The following ANO2 variants were observed in gnomAD, a reference collection of about 807,000 sequenced individuals.
ANO2 encodes anoctamin 2, also known as anoctamin-2.
Under a neutral mutation model 124.2 loss-of-function variants are expected in ANO2, and 101 were observed. The ratio of observed to expected loss-of-function variants is 0.81; its 90% confidence interval spans 0.69 to 0.96. The LOEUF is 0.96. Ranked by LOEUF, ANO2 falls within the 40% of genes least tolerant of loss-of-function variation. ANO2 has a pLI of 0.00. For missense variants in ANO2, 1,293 were observed against 1,274.5 expected, an observed-to-expected ratio of 1.01 and a Z score of -0.22; for synonymous variants, 486 against 482.5, an observed-to-expected ratio of 1.01 and a Z score of -0.09.
intron 3 of ANO2, among the ~76,000 whole-genome samples, chr12:5,913,053 A>G (rs1319833225): frequency 1.3e-5 from 2 of 152,164 alleles, no homozygotes; most frequent in African/African-American, 2.4e-5. Flanking sequence ...TCCCCATCCC[A>G]TAGAAATACA....
At position 5,799,384 on chromosome 12, in the gene ANO2, T is replaced by C. The variant is rs11063871; in HGVS notation, c.1055+123A>G. On this transcript the variant is annotated intron_variant, in intron 10 of 24. Coordinates refer to ENST00000682330, the MANE Select transcript of ANO2 (RefSeq NM_001364791.2). ...CCATGAGACACAGAGGAGTGGATCA[T>C]AGAAGCTAGAAAAGAAGATCCCTCC... 1,207 of 846,178 alleles carry C rather than the reference T, an allele frequency of 1.4e-3. 17 individuals are homozygous for C. The East Asian group carries it at 0.031, about 22-fold the overall frequency. The allele number at this position is 846,178 out of a possible 1,614,324, so 52.4% of individuals were successfully genotyped here.
At chr12:5,576,085 C>T (rs968278852) in intron 22 of ANO2, 70 bp from the exon 23 acceptor site, 17 of 1,433,016 alleles carry the variant, frequency 1.2e-5, no homozygotes, top group African/African-American at 1.4e-5. Flanking sequence ...CTCTTAGGCT[C>T]CCCATCAGAA....
chr12:5,785,374 A>G (rs564501256), intron 10 of ANO2, among the ~76,000 whole-genome samples: 1 of 152,188 alleles, frequency 6.6e-6, no homozygotes, highest in South Asian at 2.1e-4. Flanking sequence ...GAGGGGTCAC[A>G]GGGTTGGGCA....
intron 16 of ANO2, among the ~76,000 whole-genome samples, chr12:5,634,870 C>T (rs972902751): frequency 5.9e-5 from 9 of 151,866 alleles, no homozygotes; most frequent in Non-Finnish European, 8.8e-5. Flanking sequence ...ACAGACCCCA[C>T]GGTTTACCCT....
chr12:5,723,629 G>A (rs936040392), intron 14 of ANO2, among the ~76,000 whole-genome samples: 16 of 151,282 alleles, frequency 1.1e-4, no homozygotes, highest in South Asian at 2.1e-4. Flanking sequence ...GGTGGGGGGC[G>A]GGGGCGCGGG....
chr12:5,867,777 T>TA (rs1955465155), intron 3 of ANO2, among the ~76,000 whole-genome samples: 1 of 29,354 alleles, frequency 3.4e-5, no homozygotes, highest in African/African-American at 1.3e-4. Flanking sequence ...AGCACTATAA[T>TA]GAAAAAAAAA....
At chr12:5,840,291 G>T (rs1954472954) in intron 4 of ANO2, among the ~76,000 whole-genome samples, 2 of 152,060 alleles carry the variant, frequency 1.3e-5, no homozygotes, top group Admixed American at 1.3e-4. Flanking sequence ...GCTCACTTGG[G>T]CCTCACTGTT....
intron 3 of ANO2, among the ~76,000 whole-genome samples, chr12:5,899,348 C>G (rs1940018175): frequency 6.6e-6 from 1 of 152,166 alleles, no homozygotes; most frequent in Non-Finnish European, 1.5e-5. Context: ...TAGCAGCTGT[C>G]CCCTAAAATC....
intron 10 of ANO2, among the ~76,000 whole-genome samples, chr12:5,755,215 A>G (rs1951542603): frequency 6.6e-6 from 1 of 151,812 alleles, no homozygotes; most frequent in South Asian, 2.1e-4. Flanking sequence ...CTTTGAATAT[A>G]TCATCCTACT....
rs575074717 is a variant in ANO2, at chr12:5,909,335, T to A, written c.534+11705A>T. ...AAAGATATGTTAGAACAACTGTAAA[T>A]TGAGAAAACTATCTTTATTCATGTT... On this transcript the variant is annotated intron_variant, in intron 3 of 24. Coordinates refer to ENST00000682330, the MANE Select transcript of ANO2 (RefSeq NM_001364791.2). Among the ~76,000 whole-genome samples the A allele has an allele frequency of 1.2e-4, 19 of 152,282 alleles. No individual in the cohort carries two copies. In the South Asian group the frequency reaches 3.1e-3, roughly 25 times the overall value.
chr12:5,926,434 G>A (rs796158400), intron 1 of ANO2, among the ~76,000 whole-genome samples: 17 of 152,194 alleles, frequency 1.1e-4, no homozygotes, highest in African/African-American at 4.1e-4. Context: ...ATGGCTCTCG[G>A]GCTGGGACTC....
At chr12:5,838,596 C>T (rs1954403519) in intron 4 of ANO2, among the ~76,000 whole-genome samples, 1 of 152,124 alleles carries the variant, frequency 6.6e-6, no homozygotes, top group South Asian at 2.1e-4. Flanking sequence ...AGACTTCTTC[C>T]CTCCTCTCCC....
At chr12:5,892,863 C>A (rs1939505021) in intron 3 of ANO2, among the ~76,000 whole-genome samples, 1 of 152,146 alleles carries the variant, frequency 6.6e-6, no homozygotes, top group Non-Finnish European at 1.5e-5. Flanking sequence ...ACTGTCTGTG[C>A]AAATAGACTA....
rs185495795 is a variant in ANO2 at position 5,732,813 on chromosome 12, G to A, written c.1435-183C>T. The A allele has an allele frequency of 7.4e-4, 1,185 of 1,610,994 alleles. No individual in the cohort carries two copies. The highest frequency in any genetic ancestry group is 1.9e-3 in the Admixed American group (116 of 59,984). ...TCACATCCTAACATAAGAACACAAC[G>A]TGAGGAAGAGACAAGGGACACACAA... is the stretch of plus-strand genomic sequence containing the variant. On this transcript the variant is annotated intron_variant, in intron 13 of 24. Transcript: ENST00000682330.
In ANO2 at chr12:5,578,389, T is replaced by A; in HGVS notation, c.2363A>T (p.Asp788Val). 1 of 1,613,920 alleles carries A rather than the reference T, an allele frequency of 6.2e-7. No homozygotes were observed. The change falls in exon 21 of 25, where the codon GAT (aspartate) becomes GTT (valine). Residue 788 changes from aspartate to valine, a missense_variant. Asp to Val is a radical substitution (Grantham distance 152). Transcript: ENST00000682330. ...ACCGATATCTTTGGTTCTTACAGCA[T>A]CCGGCCGTCTCAGCTCTGTAACAAA... ...KKFVTELRRP[D>V]AVRTKDIGIW...
At chr12:5,567,912 T>C (rs996189024) in intron 23 of ANO2, among the ~76,000 whole-genome samples, 15 of 152,204 alleles carry the variant, frequency 9.9e-5, no homozygotes, top group Non-Finnish European at 2.2e-4. Flanking sequence ...TGGTAAGCCA[T>C]GCCACAGAAA....
chr12:5,600,277 T>C (rs1438311782), intron 19 of ANO2, among the ~76,000 whole-genome samples: 1 of 152,214 alleles, frequency 6.6e-6, no homozygotes, highest in Non-Finnish European at 1.5e-5. Flanking sequence ...CTCAAGACCA[T>C]CTGAGGACAC....
At chr12:5,733,827 C>T (rs1170731503) in intron 13 of ANO2, among the ~76,000 whole-genome samples, 1 of 152,256 alleles carries the variant, frequency 6.6e-6, no homozygotes, top group African/African-American at 2.4e-5. Flanking sequence ...TCCTCCCTCT[C>T]TGAATTCCGA....
intron 11 of ANO2, among the ~76,000 whole-genome samples, chr12:5,747,981 T>A (rs1951320027): frequency 6.6e-6 from 1 of 152,186 alleles, no homozygotes. Context: ...TGTGCAGACA[T>A]CTATGTGCAC....
Sources: gnomAD v4.1 joint callset for allele counts (sites outside exome capture counted in the v4.1 genomes callset) on GRCh38, gnomAD v4.1.1 for gene constraint, MANE v1.5 for transcripts, NCBI Gene and HGNC (gene_info 2026-07-23, HGNC 2026-07-21) for gene names.